FMN2: variants seen among roughly 807,000 people sequenced by gnomAD.
FMN2 encodes the protein formin-2.
FMN2 carries 51 observed loss-of-function variants against 142.3 expected under a neutral mutation model. That is an observed-to-expected ratio of 0.36 (90% CI 0.29 to 0.45). The LOEUF (loss-of-function observed/expected upper bound fraction) is 0.45. Ranked by LOEUF, FMN2 falls within the 20% of genes least tolerant of loss-of-function variation. FMN2 has a pLI of 1.00. For synonymous variants in FMN2, 882 were observed against 869.8 expected (o/e 1.01, Z -0.25); for missense variants, 1,936 against 2,122.8 (o/e 0.91, Z 1.73).
intron 1 of FMN2, among the ~76,000 whole-genome samples, chr1:240,114,907 C>T (rs941329716): frequency 2.6e-5 from 4 of 152,090 alleles, no homozygotes; most frequent in East Asian, 1.9e-4. Flanking sequence ...CTGCCCACCT[C>T]GGCCTCCCAA....
intron 6 of FMN2, among the ~76,000 whole-genome samples, chr1:240,221,809 CTA>C (rs1183766897): frequency 1.4e-5 from 2 of 145,066 alleles, no homozygotes; most frequent in Non-Finnish European, 3.0e-5. Flanking sequence ...TTGCCCATGC[CTA>C]TGTCCTGAAT....
chr1:240,295,368 A>G (rs1336552447), intron 8 of FMN2, among the ~76,000 whole-genome samples: 1 of 152,116 alleles, frequency 6.6e-6, no homozygotes, highest in East Asian at 1.9e-4. Context: ...CACCACCCAC[A>G]CTTATATATA....
intron 3 of FMN2, among the ~76,000 whole-genome samples, chr1:240,186,656 C>T (rs9970569): frequency 0.26 from 39,813 of 151,964 alleles, 5,732 homozygotes; most frequent in African/African-American, 0.38. Flanking sequence ...AGGCAGTAGC[C>T]ACTGTGGCTT....
intron 15 of FMN2, among the ~76,000 whole-genome samples, chr1:240,406,612 T>A (rs569111819): frequency 2.6e-5 from 4 of 152,336 alleles, no homozygotes; most frequent in African/African-American, 7.2e-5. Flanking sequence ...AGTTAGCATA[T>A]TATAATTACT....
At chr1:240,191,870 C>G (rs1222101397) in intron 4 of FMN2, among the ~76,000 whole-genome samples, 1 of 152,056 alleles carries the variant, frequency 6.6e-6, no homozygotes, top group Non-Finnish European at 1.5e-5. Flanking sequence ...TTTAAAAACT[C>G]TAGCTTTGGG....
At chr1:240,323,484 T>A (rs1671052255) in intron 8 of FMN2, among the ~76,000 whole-genome samples, 3 of 152,058 alleles carry the variant, frequency 2.0e-5, no homozygotes, top group Non-Finnish European at 4.4e-5. Flanking sequence ...GCGTGAGCCA[T>A]GCCCCTGGCC....
At chr1:240,427,287 G>A (rs1674983773) in intron 15 of FMN2, among the ~76,000 whole-genome samples, 1 of 151,058 alleles carries the variant, frequency 6.6e-6, no homozygotes, top group Admixed American at 6.6e-5. Flanking sequence ...CTCACTGCAA[G>A]CTCCGCCTCC....
chr1:240,264,465 G>A (rs191779145), intron 7 of FMN2, among the ~76,000 whole-genome samples: 4 of 152,204 alleles, frequency 2.6e-5, no homozygotes, highest in African/African-American at 4.8e-5. Flanking sequence ...ACATGCCATG[G>A]TGGTTTGTTG....
chr1:240,399,275 A>G (rs930875528), intron 15 of FMN2, among the ~76,000 whole-genome samples: 5 of 152,194 alleles, frequency 3.3e-5, no homozygotes, highest in African/African-American at 7.2e-5. Context: ...TCCATTTACC[A>G]TAATACCTGA....
chr1:240,286,186 G>A (rs1448416286), intron 7 of FMN2, among the ~76,000 whole-genome samples: 2 of 152,070 alleles, frequency 1.3e-5, no homozygotes, highest in South Asian at 2.1e-4. Flanking sequence ...GCAGTGTTCT[G>A]GACCCTAAAT....
intron 6 of FMN2, among the ~76,000 whole-genome samples, chr1:240,237,973 G>T (rs1016589118): frequency 1.2e-4 from 18 of 152,176 alleles, no homozygotes; most frequent in Admixed American, 1.1e-3. Context: ...TTTAAAAGAT[G>T]ATTTCCTTCC....
chr1:240,213,318 T>A (rs997295129), intron 6 of FMN2, among the ~76,000 whole-genome samples: 1 of 152,150 alleles, frequency 6.6e-6, no homozygotes, highest in Non-Finnish European at 1.5e-5. Context: ...ACAGTCTCCA[T>A]CATGACTCCA....
chr1:240,383,892 A>C (rs1156835827), intron 14 of FMN2, among the ~76,000 whole-genome samples: 1 of 151,386 alleles, frequency 6.6e-6, no homozygotes, highest in East Asian at 1.9e-4. Context: ...AAAAAAATAT[A>C]TATATATATA....
At chr1:240,172,748 T>C (rs1664758680) in intron 2 of FMN2, among the ~76,000 whole-genome samples, 1 of 152,182 alleles carries the variant, frequency 6.6e-6, no homozygotes, top group Non-Finnish European at 1.5e-5. Context: ...ACATACCAGA[T>C]AACCTGATAC....
At chr1:240,402,006 T>C (rs1248851054) in intron 15 of FMN2, among the ~76,000 whole-genome samples, 1 of 152,232 alleles carries the variant, frequency 6.6e-6, no homozygotes, top group African/African-American at 2.4e-5. Context: ...GCAAAGCTTC[T>C]TCAAGTGTGG....
chr1:240,270,347 A>G (rs1423532859), intron 7 of FMN2, among the ~76,000 whole-genome samples: 1 of 152,146 alleles, frequency 6.6e-6, no homozygotes, highest in Non-Finnish European at 1.5e-5. Flanking sequence ...TCAAAAAATA[A>G]CAATAGAATT....
At chr1:240,142,680 T>G in intron 2 of FMN2, 1 of 1,610,364 alleles carries the variant, frequency 6.2e-7, no homozygotes, top group Non-Finnish European at 8.5e-7. Flanking sequence ...GAGATCATAA[T>G]TGGGGTTCTT....
chr1:240,134,779 T>A (rs1006881371), intron 2 of FMN2, among the ~76,000 whole-genome samples: 14 of 152,188 alleles, frequency 9.2e-5, no homozygotes, highest in African/African-American at 3.4e-4. Context: ...CTTCTGGGCT[T>A]ATTGCCATCC....
At chr1:240,311,424 C>T (rs1407710890) in intron 8 of FMN2, among the ~76,000 whole-genome samples, 6 of 152,042 alleles carry the variant, frequency 3.9e-5, no homozygotes, top group African/African-American at 1.2e-4. Flanking sequence ...TTGACTTTCC[C>T]CACATAGCTG....
Sources: gnomAD v4.1 joint callset for allele counts (sites outside exome capture counted in the v4.1 genomes callset) on GRCh38, gnomAD v4.1.1 for gene constraint, MANE v1.5 for transcripts, NCBI Gene and HGNC (gene_info 2026-07-23, HGNC 2026-07-21) for gene names.